Variants in HDHD2 observed in about 807,000 individuals in gnomAD.
HDHD2 encodes haloacid dehalogenase like hydrolase domain containing 2, also known as haloacid dehalogenase-like hydrolase domain-containing protein 2.
Under a neutral mutation model 24.8 loss-of-function variants are expected in HDHD2, and 26 were observed. The ratio of observed to expected loss-of-function variants is 1.05; its 90% CI spans 0.77 to 1.45. The LOEUF (loss-of-function observed/expected upper bound fraction) is 1.45, where lower values mean the gene tolerates loss of function less well. Among genes scored for constraint, HDHD2 ranks in the 40% most tolerant of loss-of-function variants. The pLI, the probability that HDHD2 is intolerant of heterozygous loss-of-function variation, is 0.00. For synonymous variants in HDHD2, 128 were observed against 114.9 expected, an observed-to-expected ratio of 1.11 and a Z score of -0.73; for missense variants, 299 against 313.4, an observed-to-expected ratio of 0.95 and a Z score of 0.35.
chr18:47,124,981 A>T (rs1402489135), intron 4 of HDHD2, among the ~76,000 whole-genome samples: 2 of 152,130 alleles, frequency 1.3e-5, no homozygotes, highest in African/African-American at 4.8e-5. Context: ...CCAGCAACAC[A>T]GCAAAACCCC....
At chr18:47,145,668 C>G (rs1197761066) in intron 1 of HDHD2, among the ~76,000 whole-genome samples, 3 of 152,130 alleles carry the variant, frequency 2.0e-5, no homozygotes, top group African/African-American at 7.2e-5. Flanking sequence ...AAAACTAAAA[C>G]TTTTAGATAG....
intron 1 of HDHD2, among the ~76,000 whole-genome samples, chr18:47,145,789 CAA>C (rs1373929379): frequency 6.6e-6 from 1 of 152,080 alleles, no homozygotes; most frequent in Non-Finnish European, 1.5e-5. Flanking sequence ...AAAAGCACCA[CAA>C]AGAGAGTGAA....
At chr18:47,143,802 T>C (rs1265523062) in intron 1 of HDHD2, among the ~76,000 whole-genome samples, 1 of 152,136 alleles carries the variant, frequency 6.6e-6, no homozygotes, top group South Asian at 2.1e-4. Context: ...GCATACAAAT[T>C]GTAACCAATA....
chr18:47,128,052 GC>G (rs1373084946), intron 4 of HDHD2, among the ~76,000 whole-genome samples: 2 of 101,682 alleles, frequency 2.0e-5, no homozygotes, highest in Non-Finnish European at 4.6e-5. Context: ...ACATCAATAT[GC>G]AAAAAGGGAA....
At chr18:47,125,669 T>C (rs992609686) in intron 4 of HDHD2, among the ~76,000 whole-genome samples, 1 of 152,194 alleles carries the variant, frequency 6.6e-6, no homozygotes, top group Non-Finnish European at 1.5e-5. Context: ...ATTTCATTCA[T>C]ATGAAGATTA....
At chr18:47,125,485 C>T (rs889855222) in intron 4 of HDHD2, among the ~76,000 whole-genome samples, 1 of 152,158 alleles carries the variant, frequency 6.6e-6, no homozygotes, top group African/African-American at 2.4e-5. Context: ...CTGGAAGCAA[C>T]CCATGTCCAT....
chr18:47,147,082 A>C (rs909147888), intron 1 of HDHD2, among the ~76,000 whole-genome samples: 1 of 152,232 alleles, frequency 6.6e-6, no homozygotes, highest in Non-Finnish European at 1.5e-5. Flanking sequence ...TACATTTAAT[A>C]GTTATAAAAA....
At chr18:47,135,258 C>CTTTT (rs904719955) in intron 2 of HDHD2, among the ~76,000 whole-genome samples, 13 of 128,352 alleles carry the variant, frequency 1.0e-4, no homozygotes, top group East Asian at 2.3e-4. Flanking sequence ...TAGATTTTTT[C>CTTTT]TTTTTTTTTT....
intron 4 of HDHD2, among the ~76,000 whole-genome samples, chr18:47,115,924 C>T (rs2063555085): frequency 6.6e-6 from 1 of 152,144 alleles, no homozygotes. Flanking sequence ...TTTTGCAAAT[C>T]AGGCCATCTT....
At chr18:47,145,161 C>T (rs2063857068) in intron 1 of HDHD2, among the ~76,000 whole-genome samples, 1 of 152,170 alleles carries the variant, frequency 6.6e-6, no homozygotes, top group Admixed American at 6.5e-5. Context: ...TGAAAGCAGC[C>T]AAGGGAAAAG....
intron 1 of HDHD2, among the ~76,000 whole-genome samples, chr18:47,139,196 C>T (rs1328397108): frequency 1.3e-5 from 2 of 151,906 alleles, no homozygotes; most frequent in South Asian, 2.1e-4. Flanking sequence ...CGGTGGCTCA[C>T]GCCTGTAATC....
rs187422677 is a variant in HDHD2 at position 47,147,439 on chromosome 18, A to T, written c.-11+2939T>A. 1.3e-4 allele frequency among the ~76,000 whole-genome samples: 20 copies of T among 152,330 alleles called. No homozygotes were observed. The East Asian group carries it at 3.5e-3, about 26-fold the overall frequency. ...TCAAAAGACTAGACCGTTCCTAGGGATTCCATTTGGATGTGTAATAGTTAA... is the reference window on the plus strand; with the variant it reads ...TCAAAAGACTAGACCGTTCCTAGGGTTTCCATTTGGATGTGTAATAGTTAA... On this transcript the variant is annotated intron_variant, in intron 1 of 6. Coordinates refer to ENST00000300605, the MANE Select transcript of HDHD2 (RefSeq NM_032124.5).
At chr18:47,126,755 T>C (rs1266408691) in intron 4 of HDHD2, among the ~76,000 whole-genome samples, 1 of 152,116 alleles carries the variant, frequency 6.6e-6, no homozygotes, top group African/African-American at 2.4e-5. Context: ...ATGTAGTTTT[T>C]TTCCCCAAAA....
intron 5 of HDHD2, among the ~76,000 whole-genome samples, chr18:47,114,036 G>A (rs2063537429): frequency 6.6e-6 from 1 of 152,118 alleles, no homozygotes; most frequent in Non-Finnish European, 1.5e-5. Flanking sequence ...CCTGTCCCAG[G>A]GCCAGCAACT....
chr18:47,109,168 C>G (rs1319896227), intron 6 of HDHD2: 2 of 171,332 alleles, frequency 1.2e-5, no homozygotes, highest in African/African-American at 2.4e-5. Context: ...GGGCAGAGGA[C>G]TCATCCGCTC....
intron 4 of HDHD2, among the ~76,000 whole-genome samples, chr18:47,116,602 C>T (rs1037964492): frequency 2.6e-5 from 4 of 152,170 alleles, no homozygotes; most frequent in African/African-American, 4.8e-5. Flanking sequence ...AATATTAATA[C>T]AAATTTATTT....
intron 1 of HDHD2, among the ~76,000 whole-genome samples, chr18:47,142,602 T>G (rs1292967235): frequency 1.3e-5 from 2 of 152,144 alleles, no homozygotes; most frequent in African/African-American, 4.8e-5. Flanking sequence ...TTTAGAAGTG[T>G]GAGGGCAAAA....
At chr18:47,140,197 T>C (rs2063806995) in intron 1 of HDHD2, among the ~76,000 whole-genome samples, 1 of 152,234 alleles carries the variant, frequency 6.6e-6, no homozygotes. Context: ...CGTTGGTGCC[T>C]TTTATATTCT....
intron 4 of HDHD2, among the ~76,000 whole-genome samples, chr18:47,121,781 T>C (rs974044815): frequency 1.3e-5 from 2 of 152,186 alleles, no homozygotes; most frequent in Admixed American, 6.5e-5. Context: ...CAATACTTTG[T>C]TCTCATTTCC....
Sources: gnomAD v4.1 joint callset for allele counts (sites outside exome capture counted in the v4.1 genomes callset) on GRCh38, gnomAD v4.1.1 for gene constraint, MANE v1.5 for transcripts, NCBI Gene and HGNC (gene_info 2026-07-23, HGNC 2026-07-21) for gene names.